The following CCDC88A variants were observed in gnomAD, a reference collection of about 807,000 sequenced individuals.
CCDC88A encodes the protein coiled-coil and HOOK domain protein 88A.
A neutral mutation model predicts 234.3 loss-of-function variants in CCDC88A; 54 were observed. The observed-to-expected ratio is 0.23, with a 90% CI of 0.19 to 0.29. The LOEUF is 0.29. Ranked by LOEUF, CCDC88A falls within the 10% of genes least tolerant of loss-of-function variation. CCDC88A has a pLI of 1.00. For missense variants in CCDC88A, 1,832 were observed against 2,123.4 expected (o/e 0.86, Z 2.70); for synonymous variants, 753 against 737.8 (o/e 1.02, Z -0.33).
At chr2:55,351,819 C>A (rs1258078640) in intron 8 of CCDC88A, among the ~76,000 whole-genome samples, 2 of 152,108 alleles carry the variant, frequency 1.3e-5, no homozygotes, top group East Asian at 3.9e-4. Flanking sequence ...GGAAAGAATT[C>A]AAATGCCTGT....
At chr2:55,322,780 G>A in intron 17 of CCDC88A, 88 bp from the exon 18 acceptor site, 2 of 593,624 alleles carry the variant, frequency 3.4e-6, no homozygotes, top group South Asian at 4.0e-5. Flanking sequence ...GGGCTGATCT[G>A]GTGAATACGA....
rs1222228937 is a variant in CCDC88A at position 55,318,690 on chromosome 2, T to G, written c.3324+153A>C. ...ATTAATATTTAAAATTAAAAACTGA[T>G]GTGTGAAAATTTGGCATGGCACTAA... On this transcript the variant is annotated intron_variant, in intron 19 of 32. Transcript: ENST00000436346. Among the ~76,000 whole-genome samples, 3 of 152,228 alleles carry G rather than the reference T, an allele frequency of 2.0e-5. No individual in the cohort carries two copies. The East Asian group carries it at 5.8e-4, about 29-fold the overall frequency.
In CCDC88A at chr2:55,416,439, AATAAATATATATATATATATATATAT is replaced by A. The variant is rs1681440547; in HGVS notation, c.164+2351_164+2376del. ...GGTGAAGAGGTCAAATAAATAAATA[AATAAATATATATATATATATATATAT>A]ATATATATATATATATATATATGTA... On this transcript the variant is annotated intron_variant, in intron 2 of 32. Coordinates refer to ENST00000436346, the MANE Select transcript of CCDC88A (RefSeq NM_001365480.1). Among the ~76,000 whole-genome samples, 2 of 25,586 alleles carry A rather than the reference AATAAATATATATATATATATATATAT, an allele frequency of 7.8e-5. 1 individual carries two copies. The highest frequency in any genetic ancestry group is 1.5e-4 in the Non-Finnish European group (2 of 13,000). The allele number at this position is 25,586 out of a possible 152,430, so 16.8% of individuals were successfully genotyped here.
In CCDC88A at chr2:55,343,767, A is replaced by C. The variant is rs1574198249; in HGVS notation, c.1214T>G (p.Ile405Ser). 1 of 1,610,748 alleles carries C rather than the reference A, an allele frequency of 6.2e-7. No individual in the cohort carries two copies. The highest frequency in any genetic ancestry group is 1.3e-5 in the African/African-American group (1 of 74,922). ...CATATTTTCTTCCATTAATTCTTCA[A>C]TCTTTTTTCTATCCATATCTCGTTC... The part of the protein sequence containing the change: ...EMERDMDRKK[I>S]EELMEENMTL... Residue 405 changes from isoleucine to serine, a missense_variant, in exon 12 of 33, where the codon ATT becomes AGT. This residue lies in a region of CCDC88A where 1,282 missense variants were observed against 1,543.6 expected (regional missense o/e 0.83). Coordinates refer to ENST00000436346, the MANE Select transcript of CCDC88A (RefSeq NM_001365480.1).
intron 6 of CCDC88A, among the ~76,000 whole-genome samples, chr2:55,362,699 C>T (rs946555574): frequency 6.6e-6 from 1 of 151,852 alleles, no homozygotes; most frequent in Non-Finnish European, 1.5e-5. Flanking sequence ...ATATTTAACT[C>T]AAGGCATTCT....
intron 9 of CCDC88A, 40 bp from the exon 10 acceptor site, chr2:55,346,373 T>C (rs1669106974): frequency 1.7e-6 from 2 of 1,170,874 alleles, no homozygotes; most frequent in Non-Finnish European, 2.4e-6. Flanking sequence ...TTATTTTCTG[T>C]TATCAACTTG....
chr2:55,375,112 G>A (rs965305004), intron 3 of CCDC88A, among the ~76,000 whole-genome samples: 25 of 152,050 alleles, frequency 1.6e-4, no homozygotes, highest in African/African-American at 5.3e-4. Flanking sequence ...GGCTGGGTGC[G>A]ATGGCTCATG....
intron 15 of CCDC88A, among the ~76,000 whole-genome samples, chr2:55,333,669 T>A (rs967670522): frequency 6.6e-6 from 1 of 152,136 alleles, no homozygotes; most frequent in African/African-American, 2.4e-5. Context: ...TATATGTGTG[T>A]ATATATATTT....
Position 55,334,718 on chromosome 2 carries a change from CTCA to C in CCDC88A, c.2100_2102del (p.Asp700del). On this transcript the variant is annotated inframe_deletion, in exon 15 of 33. Transcript: ENST00000436346. The surrounding 1 kb of genome is among the most constrained non-coding windows in gnomAD (Gnocchi z 6.1). ...CATTCCTTCGCAGTTCTAAGTTTTCCTCATCAAGTTGGGAATTCTCTTTTTCTA... is the reference window on the plus strand; with the variant it reads ...CATTCCTTCGCAGTTCTAAGTTTTCCTCAAGTTGGGAATTCTCTTTTTCTA... 1 of 1,613,104 alleles carries C rather than the reference CTCA, an allele frequency of 6.2e-7. No individual in the cohort carries two copies. Among genetic ancestry groups the C allele is most frequent in the Non-Finnish European group, 8.5e-7 (1 of 1,179,602 alleles).
intron 21 of CCDC88A, among the ~76,000 whole-genome samples, chr2:55,316,623 T>C (rs916961117): frequency 2.6e-5 from 4 of 152,190 alleles, no homozygotes; most frequent in African/African-American, 9.7e-5. Flanking sequence ...CAGTTCCAGC[T>C]ACCTGAGGGG....
intron 23 of CCDC88A, among the ~76,000 whole-genome samples, chr2:55,310,990 T>C (rs1404717745): frequency 6.6e-6 from 1 of 152,210 alleles, no homozygotes; most frequent in Non-Finnish European, 1.5e-5. Flanking sequence ...TATTTGTAAT[T>C]TAAATTCATT....
intron 12 of CCDC88A, among the ~76,000 whole-genome samples, chr2:55,340,537 T>C (rs1023011123): frequency 6.6e-6 from 1 of 152,242 alleles, no homozygotes; most frequent in African/African-American, 2.4e-5. Flanking sequence ...TTACTAACTT[T>C]TAAAATTCCA....
chr2:55,398,519 C>A (rs1678014345), intron 2 of CCDC88A, among the ~76,000 whole-genome samples: 2 of 152,224 alleles, frequency 1.3e-5, no homozygotes, highest in South Asian at 4.1e-4. Context: ...AAGGGCCATA[C>A]TGACACATGT....
At chr2:55,357,793 T>C (rs533683087) in intron 7 of CCDC88A, among the ~76,000 whole-genome samples, 1 of 152,268 alleles carries the variant, frequency 6.6e-6, no homozygotes, top group Admixed American at 6.5e-5. Flanking sequence ...AAGGTCTGTC[T>C]TACCTTCCTG....
intron 3 of CCDC88A, among the ~76,000 whole-genome samples, chr2:55,383,186 T>C (rs1674891722): frequency 1.3e-5 from 2 of 152,158 alleles, no homozygotes; most frequent in Non-Finnish European, 2.9e-5. Flanking sequence ...CTGTCAATAT[T>C]CTTTTCTCCC....
At chr2:55,386,353 A>C (rs1266517659) in intron 3 of CCDC88A, among the ~76,000 whole-genome samples, 1 of 151,462 alleles carries the variant, frequency 6.6e-6, no homozygotes, top group African/African-American at 2.4e-5. Flanking sequence ...TAATCCCAAC[A>C]CTTTGGGAGG....
chr2:55,362,201 T>G, intron 7 of CCDC88A, 107 bp downstream of exon 7: 1 of 840,592 alleles, frequency 1.2e-6, no homozygotes, highest in African/African-American at 1.8e-5. Context: ...GACACTCCTG[T>G]ATCACCTGTC....
intron 3 of CCDC88A, among the ~76,000 whole-genome samples, chr2:55,383,762 G>A (rs1199512038): frequency 1.4e-4 from 21 of 151,964 alleles, no homozygotes. Flanking sequence ...ATTTTTCTAA[G>A]AGAAGGTAAT....
chr2:55,416,425 CAAATAAAT>C (rs58743440), intron 2 of CCDC88A, among the ~76,000 whole-genome samples: 69 of 44,632 alleles, frequency 1.5e-3, no homozygotes, highest in African/African-American at 3.8e-3. Flanking sequence ...GTGAAGAGGT[CAAATAAAT>C]AAATAAATAA....
Sources: allele counts gnomAD v4.1 joint callset (sites outside exome capture counted in the v4.1 genomes callset), GRCh38; gene constraint gnomAD v4.1.1; regional missense constraint gnomAD v4.1.1; non-coding constraint Gnocchi (gnomAD v3.1); transcripts MANE v1.5; gene names NCBI Gene and HGNC (gene_info 2026-07-23, HGNC 2026-07-21).